Variants in TMEM204 observed in about 807,000 individuals in gnomAD.
The protein encoded by TMEM204 is claudin-like protein 24.
TMEM204 carries 15 observed loss-of-function variants against 19.4 expected under a neutral mutation model. The observed-to-expected ratio is 0.77, with a 90% CI of 0.52 to 1.19. The LOEUF (loss-of-function observed/expected upper bound fraction) is 1.19. TMEM204 is among the 50% of genes most tolerant of loss of function. TMEM204 has a pLI of 0.00. For synonymous variants in TMEM204, 161 were observed against 146.0 expected (o/e 1.10, Z -0.74); for missense variants, 287 against 321.2 (o/e 0.89, Z 0.81).
Position 1,553,080 on chromosome 16 carries a change from A to T in TMEM204, c.437-1702A>T. On this transcript the variant is annotated intron_variant, in intron 2 of 2. Coordinates refer to ENST00000566264, the MANE Select transcript of TMEM204 (RefSeq NM_024600.6). This position sits in a 1 kb window ranked among gnomAD's most constrained non-coding sequence, Gnocchi z 4.4. ...ATTGTTCAGGACAAAATGGAGATAGATAAATGCTTAATTCATACTTTCTGG... is the reference window on the plus strand; with the variant it reads ...ATTGTTCAGGACAAAATGGAGATAGTTAAATGCTTAATTCATACTTTCTGG... 1 of 985,474 alleles carries T rather than the reference A, an allele frequency of 1.0e-6. No homozygotes were observed. The highest frequency in any genetic ancestry group is 1.2e-6 in the Non-Finnish European group (1 of 829,942). 61.0% of individuals were successfully genotyped at this position (985,474 alleles called of 1,614,324 possible). A position where few individuals can be genotyped will look rare whatever the true frequency, so the allele number is the denominator to read the frequency against.
upstream of TMEM204, chr16:1,530,668 C>T (rs1596313703): frequency 6.6e-6 from 1 of 152,302 alleles, no homozygotes; most frequent in Non-Finnish European, 1.5e-5. Context: ...GTGCTCTGAA[C>T]GCCCCGTCTC....
At chr16:1,543,937 C>A (rs954696250) in intron 2 of TMEM204, among the ~76,000 whole-genome samples, 2 of 151,918 alleles carry the variant, frequency 1.3e-5, no homozygotes, top group Non-Finnish European at 1.5e-5. Flanking sequence ...GATATTTTAG[C>A]GGCATAGAGA....
In TMEM204 at chr16:1,553,282, G is replaced by A; in HGVS notation, c.437-1500G>A. 1 of 980,558 alleles carries A rather than the reference G, an allele frequency of 1.0e-6. No homozygotes were observed. The highest frequency in any genetic ancestry group is 1.2e-6 in the Non-Finnish European group (1 of 825,800). 60.7% of individuals were successfully genotyped at this position (980,558 alleles called of 1,614,324 possible). A position where few individuals can be genotyped will look rare whatever the true frequency, so the allele number is the denominator to read the frequency against. On this transcript the variant is annotated intron_variant, in intron 2 of 2. Coordinates refer to ENST00000566264, the MANE Select transcript of TMEM204 (RefSeq NM_024600.6). The surrounding 1 kb of genome is among the most constrained non-coding windows in gnomAD (Gnocchi z 4.4). ...TATCTCTCTTGGTCTCTGTCTCTCT[G>A]TGTCTCTGCCTGTCTCTCTGTGTCT...
At chr16:1,534,622 G>A in intron 1 of TMEM204, 67 bp downstream of exon 1, 2 of 1,593,460 alleles carry the variant, frequency 1.3e-6, no homozygotes, top group Non-Finnish European at 1.7e-6. Context: ...GGAGATGTTA[G>A]GCGCGGACCT....
At chr16:1,548,880 G>A (rs977472429) in intron 2 of TMEM204, among the ~76,000 whole-genome samples, 1 of 152,318 alleles carries the variant, frequency 6.6e-6, no homozygotes, top group Non-Finnish European at 1.5e-5. Context: ...CTGCATTTCC[G>A]TGTATTTGTT....
chr16:1,541,542 C>A, intron 1 of TMEM204: 2 of 980,364 alleles, frequency 2.0e-6, no homozygotes, highest in Non-Finnish European at 1.2e-6. Flanking sequence ...GACAGGGAAG[C>A]CGGTGTTGCT....
At chr16:1,531,986 G>C (rs1054552521), upstream of TMEM204, 12 of 152,276 alleles carry the variant, frequency 7.9e-5, no homozygotes, top group African/African-American at 2.9e-4. This position sits in a 1 kb window ranked among gnomAD's most constrained non-coding sequence, Gnocchi z 4.7. Flanking sequence ...AGTTAATTAA[G>C]GAGGAAATAA....
At chr16:1,537,773 G>A (rs2031219586) in intron 1 of TMEM204, among the ~76,000 whole-genome samples, 1 of 152,228 alleles carries the variant, frequency 6.6e-6, no homozygotes, top group Admixed American at 6.5e-5. Context: ...AGATGACCGT[G>A]TGATTGAATC....
intron 1 of TMEM204, among the ~76,000 whole-genome samples, chr16:1,535,821 C>T (rs894216794): frequency 1.3e-5 from 2 of 152,234 alleles, no homozygotes; most frequent in African/African-American, 4.8e-5. Context: ...GGACCAACAG[C>T]CGTCTTTTAA....
In TMEM204 at chr16:1,534,485, A is replaced by G; in HGVS notation, c.210A>G (p.Ala70=). 1 of 1,610,472 alleles carries G rather than the reference A, an allele frequency of 6.2e-7. No homozygotes were observed. The highest frequency in any genetic ancestry group is 1.7e-5 in the Admixed American group (1 of 60,026). Residue 70 remains alanine (A), a synonymous_variant, in exon 1 of 3, where the codon GCA becomes GCG. Coordinates refer to ENST00000566264, the MANE Select transcript of TMEM204 (RefSeq NM_024600.6). ...SPGARAGQVD[A]HDCEALGWGS... is the part of the protein sequence containing the mutation. ...GGGCCAGAGCCGGCCAGGTGGACGC[A>G]CATGACTGTGAGGCGCTGGGCTGGG...
chr16:1,555,043 C>T lies in TMEM204; in HGVS notation c.*17C>T, dbSNP rs12443936. The T allele has an allele frequency of 0.016, 25,882 of 1,597,860 alleles. 2,559 individuals carry two copies. The Admixed American group carries it at 0.23, about 14-fold the overall frequency. On this transcript the variant is annotated 3_prime_UTR_variant, in exon 3 of 3. Coordinates refer to ENST00000566264, the MANE Select transcript of TMEM204 (RefSeq NM_024600.6). The stretch of plus-strand genomic sequence containing the variant: ...CCATGCTGAGTCGCCCTTCTCAGCG[C>T]TCCATCAACGCACACCTGCTATCGT...
intron 2 of TMEM204, among the ~76,000 whole-genome samples, chr16:1,552,546 T>C (rs549398432): frequency 1.1e-4 from 17 of 151,830 alleles, no homozygotes; most frequent in African/African-American, 4.1e-4. Flanking sequence ...TTCACCCCAG[T>C]AACACAAGCA....
chr16:1,540,957 G>A, intron 1 of TMEM204: 1 of 985,404 alleles, frequency 1.0e-6, no homozygotes, highest in African/African-American at 1.7e-5. Flanking sequence ...CAGGGGCCTG[G>A]GAACACACTG....
At chr16:1,554,240 A>G in intron 2 of TMEM204, 1 of 693,144 alleles carries the variant, frequency 1.4e-6, no homozygotes, top group Non-Finnish European at 2.1e-6. Flanking sequence ...GCCAAGAGCA[A>G]GAAAACTGTC....
At chr16:1,540,976 C>A (rs2031577180) in intron 1 of TMEM204, 1 of 985,300 alleles carries the variant, frequency 1.0e-6, no homozygotes, top group African/African-American at 1.7e-5. Flanking sequence ...TGCTTCACCA[C>A]CACCTCATTT....
intron 1 of TMEM204, among the ~76,000 whole-genome samples, chr16:1,537,263 G>A (rs1019531335): frequency 2.6e-5 from 4 of 152,204 alleles, no homozygotes; most frequent in African/African-American, 9.7e-5. Context: ...GCCTCCTCAC[G>A]CACACCAGGC....
chr16:1,547,213 G>A (rs1478101695), intron 2 of TMEM204, among the ~76,000 whole-genome samples: 1 of 152,138 alleles, frequency 6.6e-6, no homozygotes, highest in Admixed American at 6.5e-5. Flanking sequence ...AAATTCCCTG[G>A]ACATGACATC....
intron 2 of TMEM204, among the ~76,000 whole-genome samples, chr16:1,546,955 CCG>C (rs2032226403): frequency 6.6e-6 from 1 of 152,232 alleles, no homozygotes; most frequent in Non-Finnish European, 1.5e-5. Flanking sequence ...AGTGAAGTCC[CCG>C]CCGTCCCCCA....
At chr16:1,528,971 G>A (rs1215185617), upstream of TMEM204, among the ~76,000 whole-genome samples, 1 of 152,202 alleles carries the variant, frequency 6.6e-6, no homozygotes, top group Non-Finnish European at 1.5e-5. Context: ...CAGAATCACA[G>A]GGCAATGGCT....
Sources: allele counts gnomAD v4.1 joint callset (sites outside exome capture counted in the v4.1 genomes callset), GRCh38; gene constraint gnomAD v4.1.1; non-coding constraint Gnocchi (gnomAD v3.1); transcripts MANE v1.5; gene names NCBI Gene and HGNC (gene_info 2026-07-23, HGNC 2026-07-21).